SCMH1: variants seen among roughly 807,000 people sequenced by gnomAD.
SCMH1 encodes Scm polycomb group protein homolog 1, also known as polycomb protein SCMH1.
A neutral mutation model predicts 70.8 loss-of-function variants in SCMH1; 37 were observed. The observed-to-expected ratio is 0.52, with a 90% CI of 0.40 to 0.69. The LOEUF (loss-of-function observed/expected upper bound fraction) is 0.69, where lower values mean the gene tolerates loss of function less well. Ranked by LOEUF, SCMH1 falls within the 30% of genes least tolerant of loss-of-function variation. The pLI is 0.00. For missense variants in SCMH1, 607 were observed against 827.3 expected (o/e 0.73, Z 3.27); for synonymous variants, 292 against 307.4 (o/e 0.95, Z 0.52).
chr1:41,150,326 G>T (rs1460582719), intron 5 of SCMH1, among the ~76,000 whole-genome samples: 2 of 151,978 alleles, frequency 1.3e-5, no homozygotes, highest in Non-Finnish European at 2.9e-5. Flanking sequence ...AACATAATGA[G>T]ACCCTGTCTC....
chr1:41,186,133 T>G (rs1024424519), exon 2 of SCMH1: 19 of 1,529,190 alleles, frequency 1.2e-5, no homozygotes, highest in Non-Finnish European at 1.7e-5. Context: ...TTAGGCTGCA[T>G]AGTCAATGGA....
chr1:41,241,159 C>A (rs1340597313), intron 1 of SCMH1, among the ~76,000 whole-genome samples: 1 of 152,230 alleles, frequency 6.6e-6, no homozygotes, highest in Non-Finnish European at 1.5e-5. Flanking sequence ...AGGTTCCAAA[C>A]GGGCTCGTCA....
At chr1:41,090,930 T>C (rs1663263683) in intron 8 of SCMH1, among the ~76,000 whole-genome samples, 3 of 151,464 alleles carry the variant, frequency 2.0e-5, no homozygotes, top group Non-Finnish European at 4.4e-5. Flanking sequence ...TCGCAGCTAC[T>C]TGGGAGGCTG....
At chr1:41,197,726 T>C (rs1376431832) in intron 1 of SCMH1, among the ~76,000 whole-genome samples, 2 of 152,068 alleles carry the variant, frequency 1.3e-5, no homozygotes, top group African/African-American at 4.8e-5. Flanking sequence ...TGGATGTGCA[T>C]CAGTGTTTGA....
intron 8 of SCMH1, among the ~76,000 whole-genome samples, chr1:41,077,569 G>A (rs192009851): frequency 1.3e-5 from 2 of 152,252 alleles, no homozygotes; most frequent in Admixed American, 6.5e-5. Flanking sequence ...AGGGGTGAGA[G>A]GTAATAAAAC....
At position 41,113,576 on chromosome 1, in the gene SCMH1, A is replaced by G; in HGVS notation, c.502-50T>C. ...CACCTAGACACAAAGAGAGGCCATT[A>G]TGCCAATAGACTACTATCTAATTTG... On this transcript the variant is annotated intron_variant, in intron 7 of 14. Coordinates refer to ENST00000337495, the Ensembl canonical transcript of SCMH1. The surrounding 1 kb of genome is among the most constrained non-coding windows in gnomAD (Gnocchi z 4.3). 1 of 1,561,262 alleles carries G rather than the reference A, an allele frequency of 6.4e-7. No individual in the cohort carries two copies. Among genetic ancestry groups the G allele is most frequent in the Non-Finnish European group, 8.7e-7 (1 of 1,155,836 alleles).
intron 1 of SCMH1, among the ~76,000 whole-genome samples, chr1:41,216,648 C>G (rs1178222774): frequency 6.6e-6 from 1 of 152,168 alleles, no homozygotes; most frequent in Non-Finnish European, 1.5e-5. Context: ...AAGCTGTTAA[C>G]ATAGCAAAAG....
chr1:41,186,144 C>A, exon 2 of SCMH1: 1 of 1,480,650 alleles, frequency 6.8e-7, no homozygotes, highest in Non-Finnish European at 9.2e-7. Flanking sequence ...AGTCAATGGA[C>A]TAAAAACCGG....
intron 1 of SCMH1, among the ~76,000 whole-genome samples, chr1:41,207,108 G>A (rs556286017): frequency 1.3e-5 from 2 of 152,116 alleles, no homozygotes; most frequent in Non-Finnish European, 2.9e-5. Context: ...AAAGACCATC[G>A]ATGTTATGAA....
At chr1:41,190,112 C>T (rs1234473761) in intron 1 of SCMH1, among the ~76,000 whole-genome samples, 1 of 152,166 alleles carries the variant, frequency 6.6e-6, no homozygotes, top group Non-Finnish European at 1.5e-5. Flanking sequence ...CTTGCCAGTC[C>T]AAACATATCA....
intron 10 of SCMH1, among the ~76,000 whole-genome samples, chr1:41,065,812 C>A (rs925394770): frequency 7.9e-5 from 12 of 152,040 alleles, no homozygotes; most frequent in African/African-American, 2.9e-4. Flanking sequence ...AAAAAAGTAA[C>A]CCCAAAAGGA....
intron 5 of SCMH1, among the ~76,000 whole-genome samples, chr1:41,145,955 T>C (rs1005244129): frequency 6.6e-6 from 1 of 152,204 alleles, no homozygotes; most frequent in Non-Finnish European, 1.5e-5. Flanking sequence ...TACTATATAT[T>C]TTAAATCATT....
intron 1 of SCMH1, among the ~76,000 whole-genome samples, chr1:41,187,255 A>G (rs1174087540): frequency 6.6e-6 from 1 of 152,014 alleles, no homozygotes; most frequent in Non-Finnish European, 1.5e-5. Context: ...TGAGGTCAGG[A>G]GTTCGAGACC....
At chr1:41,037,194 CA>C (rs1488362234) in intron 13 of SCMH1, among the ~76,000 whole-genome samples, 167 bp downstream of exon 13, 1 of 152,180 alleles carries the variant, frequency 6.6e-6, no homozygotes, top group Non-Finnish European at 1.5e-5. Context: ...CCTGGAGCTC[CA>C]ATTACCTCCC....
intron 1 of SCMH1, among the ~76,000 whole-genome samples, chr1:41,241,619 G>A (rs1462644963): frequency 1.3e-5 from 2 of 152,112 alleles, no homozygotes; most frequent in Non-Finnish European, 2.9e-5. Context: ...GACCCGCGCA[G>A]ACGGGGTCGC....
At chr1:41,241,886 C>G (rs1225803600) in intron 1 of SCMH1, among the ~76,000 whole-genome samples, 173 bp downstream of exon 1, 3 of 151,774 alleles carry the variant, frequency 2.0e-5, no homozygotes, top group Admixed American at 6.6e-5. Context: ...GAGAAAGGGC[C>G]CAGCCCCGCG....
chr1:41,186,847 C>T (rs892876473), intron 1 of SCMH1, among the ~76,000 whole-genome samples: 8 of 152,118 alleles, frequency 5.3e-5, no homozygotes, highest in Non-Finnish European at 8.8e-5. Flanking sequence ...TAGCCTCTGC[C>T]GCTAGCATCC....
rs1325875998 is a variant in SCMH1 at position 41,113,638 on chromosome 1, T to C, written c.502-112A>G. On this transcript the variant is annotated intron_variant, in intron 7 of 14. Coordinates refer to ENST00000337495, the Ensembl canonical transcript of SCMH1. This position sits in a 1 kb window ranked among gnomAD's most constrained non-coding sequence, Gnocchi z 4.3. ...AGTGACTGCTACATGAGACTTATAA[T>C]GGATATATAGCCTTTCTTTTAAATT... 1.8e-6 allele frequency: 2 copies of C among 1,083,774 alleles called. No individual in the cohort carries two copies. Among genetic ancestry groups the C allele is most frequent in the Admixed American group, 5.8e-5 (2 of 34,552 alleles). 67.1% of individuals were successfully genotyped at this position (1,083,774 alleles called of 1,614,324 possible).
At chr1:41,046,721 C>T (rs1646931096) in intron 11 of SCMH1, 123 bp from the exon 12 acceptor site, 2 of 744,650 alleles carry the variant, frequency 2.7e-6, no homozygotes, top group Non-Finnish European at 2.3e-6. Flanking sequence ...AATCAGTGCC[C>T]CACGTTTCCT....
Sources: allele counts gnomAD v4.1 joint callset (sites outside exome capture counted in the v4.1 genomes callset), GRCh38; gene constraint gnomAD v4.1.1; non-coding constraint Gnocchi (gnomAD v3.1); transcripts MANE v1.5; gene names NCBI Gene and HGNC (gene_info 2026-07-23, HGNC 2026-07-21).